The following CSNK2B variants were observed in gnomAD, a reference collection of about 807,000 sequenced individuals.
CSNK2B encodes casein kinase 2 beta, also known as casein kinase II subunit beta.
Under a neutral mutation model 28.8 loss-of-function variants are expected in CSNK2B, and 2 were observed. That is an observed-to-expected ratio of 0.07 (90% CI 0.03 to 0.22). The LOEUF (loss-of-function observed/expected upper bound fraction) is 0.22. Among genes scored for constraint, CSNK2B ranks in the 10% least tolerant of loss-of-function variants. The probability of loss-of-function intolerance (pLI) is 1.00; values close to 1 mark genes in which losing one functional copy is unlikely to be tolerated. For synonymous variants in CSNK2B, 89 were observed against 96.1 expected (o/e 0.93, Z 0.43); for missense variants, 107 against 277.9 (o/e 0.39, Z 4.37).
chr6:31,666,542 C>T, intron 1 of CSNK2B: 1 of 514,504 alleles, frequency 1.9e-6, no homozygotes, highest in Non-Finnish European at 3.4e-6. Context: ...AGAGAGGGCC[C>T]TGGCCTTCGG....
intron 3 of CSNK2B, 167 bp downstream of exon 3, chr6:31,668,137 C>T (rs1021810837): frequency 1.0e-5 from 7 of 680,264 alleles, no homozygotes; most frequent in East Asian, 5.4e-5. Flanking sequence ...AGTTTTGTGA[C>T]GTATATCACT....
intron 2 of CSNK2B, 55 bp downstream of exon 2, chr6:31,666,958 G>A (rs889016712): frequency 3.6e-6 from 5 of 1,374,810 alleles, no homozygotes; most frequent in African/African-American, 1.4e-5. Flanking sequence ...CCCACCAGAC[G>A]TTCCTTCACA....
chr6:31,668,785 C>G, intron 4 of CSNK2B, 131 bp downstream of exon 4: 1 of 807,902 alleles, frequency 1.2e-6, no homozygotes, highest in Non-Finnish European at 2.0e-6. Flanking sequence ...AGAACTTGGG[C>G]CTGGGAATTG....
Position 31,669,916 on chromosome 6 carries a change from C to T in CSNK2B, c.638C>T (p.Thr213Met), listed in dbSNP as rs959255673. The change falls in exon 7 of 7, where the codon ACG becomes ATG. Residue 213 changes from threonine to methionine, a missense_variant. Physicochemically the swap from Thr to Met is moderately conservative, Grantham distance 81. Transcript: ENST00000375882. The surrounding 1 kb of genome is among the most constrained non-coding windows in gnomAD (Gnocchi z 4.8). Reference sequence around the variant, plus strand: ...AGCAACTTCAAGAGCCCAGTCAAGACGATTCGCTGATTCCCTCCCCCACCT... The same window carrying T: ...AGCAACTTCAAGAGCCCAGTCAAGATGATTCGCTGATTCCCTCCCCCACCT... ...AASNFKSPVK[T>M]IR is the part of the protein sequence containing the mutation. The T allele has an allele frequency of 4.3e-6, 7 of 1,612,648 alleles. No homozygotes were observed. The highest frequency in any genetic ancestry group is 5.1e-6 in the Non-Finnish European group (6 of 1,179,900).
At chr6:31,666,639 C>A (rs1729785953) in intron 1 of CSNK2B, among the ~76,000 whole-genome samples, 182 bp from the exon 2 acceptor site, 1 of 151,960 alleles carries the variant, frequency 6.6e-6, no homozygotes, top group Admixed American at 6.5e-5. Flanking sequence ...TGTTTAACTT[C>A]AAAGAAAAGG....
intron 2 of CSNK2B, chr6:31,667,448 A>G (rs989941621): frequency 6.6e-5 from 22 of 330,990 alleles, no homozygotes; most frequent in Non-Finnish European, 1.1e-4. Context: ...TTTTGTTACT[A>G]AAGTGGCACT....
In CSNK2B at chr6:31,670,029, T is replaced by A; in HGVS notation, c.*103T>A. 1.1e-6 allele frequency: 1 copy of A among 934,348 alleles called. No homozygotes were observed. The highest frequency in any genetic ancestry group is 1.6e-6 in the Non-Finnish European group (1 of 638,708). 57.9% of individuals were successfully genotyped at this position (934,348 alleles called of 1,614,324 possible). On this transcript the variant is annotated 3_prime_UTR_variant, in exon 7 of 7. Transcript: ENST00000375882. ...TTAGTTTAAATTAAAGGAGTCGTTA[T>A]CGTGGTGGGAATATGAAATAAAGTA...
intron 1 of CSNK2B, 99 bp from the exon 2 acceptor site, chr6:31,666,722 C>T (rs1801739420): frequency 2.2e-6 from 2 of 913,006 alleles, no homozygotes; most frequent in Admixed American, 2.5e-5. Context: ...AGGGTGGTTC[C>T]GAATTCTCCC....
chr6:31,669,902 G>T lies in CSNK2B; in HGVS notation c.624G>T (p.Lys208Asn). Reference protein sequence around the residue: ...QLQLQAASNFKSPVKTIR With the variant: ...QLQLQAASNFNSPVKTIR ...AGCTCCAAGCCGCCAGCAACTTCAA[G>T]AGCCCAGTCAAGACGATTCGCTGAT... Residue 208 changes from lysine (K) to asparagine (N), a missense_variant, in exon 7 of 7, where the codon AAG becomes AAT. By Grantham distance (94) the Lys-to-Asn change is moderately conservative. Transcript: ENST00000375882. This position sits in a 1 kb window ranked among gnomAD's most constrained non-coding sequence, Gnocchi z 4.8. 6.2e-7 allele frequency: 1 copy of T among 1,613,016 alleles called. No individual in the cohort carries two copies. The highest frequency in any genetic ancestry group is 8.5e-7 in the Non-Finnish European group (1 of 1,180,030).
chr6:31,668,190 A>G lies in CSNK2B; in HGVS notation c.175+220A>G. On this transcript the variant is annotated intron_variant, in intron 3 of 6. Transcript: ENST00000375882. ...AATCCGCAATTCAGACCTATTCCAA[A>G]ATGCGTTTCCTCATGGGTCTGGTTT... 1.1e-5 allele frequency: 4 copies of G among 366,172 alleles called. No individual in the cohort carries two copies. In the South Asian group the frequency reaches 1.1e-4, roughly 10 times the overall value. The allele number at this position is 366,172 out of a possible 1,614,324, so 22.7% of individuals were successfully genotyped here. A position where few individuals can be genotyped will look rare whatever the true frequency, so the allele number is the denominator to read the frequency against.
chr6:31,669,272 G>A lies in CSNK2B; in HGVS notation c.368-47G>A. Reference sequence around the variant, plus strand: ...AGCCTGAGTCCTGAGGGGAGGTTAGGTAGGAATAGGGGGATACCTGGCCTG... The same window carrying A: ...AGCCTGAGTCCTGAGGGGAGGTTAGATAGGAATAGGGGGATACCTGGCCTG... On this transcript the variant is annotated intron_variant, in intron 5 of 6. Transcript: ENST00000375882. The surrounding 1 kb of genome is among the most constrained non-coding windows in gnomAD (Gnocchi z 4.8). The A allele has an allele frequency of 6.2e-7, 1 of 1,602,978 alleles. No homozygotes were observed. The highest frequency in any genetic ancestry group is 8.5e-7 in the Non-Finnish European group (1 of 1,171,152).
At position 31,669,957 on chromosome 6, in the gene CSNK2B, A is replaced by T. The variant is rs5872; in HGVS notation, c.*31A>T. On this transcript the variant is annotated 3_prime_UTR_variant, in exon 7 of 7. Coordinates refer to ENST00000375882, the MANE Select transcript of CSNK2B (RefSeq NM_001320.7). The surrounding 1 kb of genome is among the most constrained non-coding windows in gnomAD (Gnocchi z 4.8). ...TCCCCCACCTGTCCTGCAGTCTTTG[A>T]CTTTTCCTTTCTTTTTTGCCACCCT... 0.29 allele frequency: 466,806 copies of T among 1,582,846 alleles called. 73,359 individuals are homozygous for T. Among genetic ancestry groups the T allele is most frequent in the East Asian group, 0.41 (18,352 of 44,480 alleles).
Position 31,666,822 on chromosome 6 carries a change from T to A in CSNK2B, c.-10T>A. 6.2e-7 allele frequency: 1 copy of A among 1,611,668 alleles called. No individual in the cohort carries two copies. Among genetic ancestry groups the A allele is most frequent in the Non-Finnish European group, 8.5e-7 (1 of 1,178,154 alleles). ...TTACTGACACTGTTCTTTTTCTAGC[T>A]GACGTGAAGATGAGCAGCTCAGAGG... On this transcript the variant is annotated splice_region_variant and 5_prime_UTR_variant, in exon 2 of 7. Coordinates refer to ENST00000375882, the MANE Select transcript of CSNK2B (RefSeq NM_001320.7).
intron 3 of CSNK2B, chr6:31,668,203 A>G (rs377167612): frequency 4.9e-5 from 30 of 614,712 alleles, no homozygotes; most frequent in Non-Finnish European, 7.5e-5. Flanking sequence ...GCGTTTCCTC[A>G]TGGGTCTGGT....
At position 31,666,808 on chromosome 6, in the gene CSNK2B, G is replaced by A. The variant is rs1239829835; in HGVS notation, c.-11-13G>A. 6.2e-7 allele frequency: 1 copy of A among 1,609,156 alleles called. No individual in the cohort carries two copies. The highest frequency in any genetic ancestry group is 2.2e-5 in the East Asian group (1 of 44,800). On this transcript the variant is annotated splice_polypyrimidine_tract_variant and intron_variant, in intron 1 of 6. Transcript: ENST00000375882. ...GGAGAACTTGAGCTTTACTGACACT[G>A]TTCTTTTTCTAGCTGACGTGAAGAT...
intron 2 of CSNK2B, among the ~76,000 whole-genome samples, chr6:31,667,551 C>T (rs148090067): frequency 3.1e-4 from 47 of 152,348 alleles, no homozygotes; most frequent in African/African-American, 1.1e-3. Context: ...CTTCCACCTT[C>T]CTTAGCCAGC....
At position 31,669,947 on chromosome 6, in the gene CSNK2B, G is replaced by A. The variant is rs1802065059; in HGVS notation, c.*21G>A. The A allele has an allele frequency of 1.2e-6, 2 of 1,601,980 alleles. No homozygotes were observed. Among genetic ancestry groups the A allele is most frequent in the African/African-American group, 1.3e-5 (1 of 74,414 alleles). On this transcript the variant is annotated 3_prime_UTR_variant, in exon 7 of 7. Transcript: ENST00000375882. The surrounding 1 kb of genome is among the most constrained non-coding windows in gnomAD (Gnocchi z 4.8). ...GCTGATTCCCTCCCCCACCTGTCCT[G>A]CAGTCTTTGACTTTTCCTTTCTTTT...
intron 4 of CSNK2B, 94 bp downstream of exon 4, chr6:31,668,748 G>A (rs1801973281): frequency 8.4e-7 from 1 of 1,187,652 alleles, no homozygotes; most frequent in Non-Finnish European, 1.2e-6. Flanking sequence ...GTTTAAGGAA[G>A]CTAGCTGAGA....
At position 31,666,911 on chromosome 6, in the gene CSNK2B, C is replaced by G; in HGVS notation, c.72+8C>G. On this transcript the variant is annotated splice_region_variant and intron_variant, in intron 2 of 6. Coordinates refer to ENST00000375882, the MANE Select transcript of CSNK2B (RefSeq NM_001320.7). Reference sequence around the variant, plus strand: ...AATGAATTCTTCTGTGAAGTGAGTTCTCTTCAACCTCCCTACTTGCCAGCT... The same window carrying G: ...AATGAATTCTTCTGTGAAGTGAGTTGTCTTCAACCTCCCTACTTGCCAGCT... 2 of 1,610,206 alleles carry G rather than the reference C, an allele frequency of 1.2e-6. No individual in the cohort carries two copies. The highest frequency in any genetic ancestry group is 2.2e-5 in the East Asian group (1 of 44,882).
Sources: gnomAD v4.1 joint callset for allele counts (sites outside exome capture counted in the v4.1 genomes callset) on GRCh38, gnomAD v4.1.1 for gene constraint, Gnocchi (gnomAD v3.1) non-coding constraint, MANE v1.5 for transcripts, NCBI Gene and HGNC (gene_info 2026-07-23, HGNC 2026-07-21) for gene names.